SDK1: variants seen among roughly 807,000 people sequenced by gnomAD.
SDK1 encodes the protein protein sidekick-1.
Under a neutral mutation model 245.5 loss-of-function variants are expected in SDK1, and 157 were observed. That is an observed-to-expected ratio of 0.64 (90% CI 0.56 to 0.73). The LOEUF (loss-of-function observed/expected upper bound fraction) is 0.73. Ranked by LOEUF, SDK1 falls within the 30% of genes least tolerant of loss-of-function variation. The pLI, the probability that SDK1 is intolerant of heterozygous loss-of-function variation, is 0.00. For missense variants in SDK1, 3,583 were observed against 3,002.3 expected, an observed-to-expected ratio of 1.19 and a Z score of -4.52; for synonymous variants, 1,647 against 1,278.5, an observed-to-expected ratio of 1.29 and a Z score of -6.15.
intron 2 of SDK1, among the ~76,000 whole-genome samples, chr7:3,628,387 G>A (rs997957016): frequency 9.2e-5 from 14 of 152,020 alleles, no homozygotes; most frequent in African/African-American, 3.4e-4. Context: ...GTGTTCCCAG[G>A]CTGGCATATT....
chr7:3,692,242 GA>G (rs994982334), intron 4 of SDK1, among the ~76,000 whole-genome samples: 2 of 151,648 alleles, frequency 1.3e-5, no homozygotes, highest in African/African-American at 2.4e-5. Context: ...AGACAACTAA[GA>G]AAAAAATAGG....
At chr7:4,265,053 G>A in intron 44 of SDK1, 71 bp from the exon 45 acceptor site, 2 of 1,555,600 alleles carry the variant, frequency 1.3e-6, no homozygotes, top group Non-Finnish European at 1.7e-6. Context: ...CCACCGCCAG[G>A]CCTCCTGCCC....
chr7:3,527,934 T>C (rs1161083576), intron 1 of SDK1, among the ~76,000 whole-genome samples: 1 of 141,738 alleles, frequency 7.1e-6, no homozygotes, highest in African/African-American at 2.7e-5. Flanking sequence ...GGGTGAATGG[T>C]AGGAGGTAAA....
intron 4 of SDK1, among the ~76,000 whole-genome samples, chr7:3,785,255 T>G (rs1780864203): frequency 6.7e-6 from 1 of 150,308 alleles, no homozygotes; most frequent in South Asian, 2.1e-4. Flanking sequence ...GCAAGAGGAA[T>G]TTTTTTTTTA....
intron 1 of SDK1, among the ~76,000 whole-genome samples, chr7:3,582,090 C>G: frequency 8.3e-6 from 1 of 121,008 alleles, no homozygotes; most frequent in African/African-American, 3.0e-5. Context: ...CTCAGGTAGG[C>G]CTGTCTCAGG....
At chr7:4,232,269 A>G (rs1785825340) in intron 40 of SDK1, among the ~76,000 whole-genome samples, 1 of 151,428 alleles carries the variant, frequency 6.6e-6, no homozygotes, top group Non-Finnish European at 1.5e-5. Context: ...AGCTAATTGA[A>G]TTGGTGGGGC....
Position 3,778,042 on chromosome 7 carries a change from G to C in SDK1, c.714-43408G>C, listed in dbSNP as rs534235279. ...CATAAGTAGTTTGAAGTTTTTGTTG[G>C]TTATTGTCTTGCCTTCCTTTCTGAC... On this transcript the variant is annotated intron_variant, in intron 4 of 44. Transcript: ENST00000404826. Among the ~76,000 whole-genome samples, 4 of 152,220 alleles carry C rather than the reference G, an allele frequency of 2.6e-5. No homozygotes were observed. In the East Asian group the frequency reaches 7.7e-4, roughly 29 times the overall value.
At chr7:4,260,645 T>C (rs1461329884) in intron 44 of SDK1, among the ~76,000 whole-genome samples, 1 of 131,802 alleles carries the variant, frequency 7.6e-6, no homozygotes, top group East Asian at 2.4e-4. Context: ...TGCTCCGGGG[T>C]CTCTGGGTGT....
chr7:3,851,693 T>C (rs950191905), intron 5 of SDK1, among the ~76,000 whole-genome samples: 1 of 152,166 alleles, frequency 6.6e-6, no homozygotes, highest in Non-Finnish European at 1.5e-5. Flanking sequence ...CACCTTTCAG[T>C]AATTTTACAC....
intron 2 of SDK1, among the ~76,000 whole-genome samples, chr7:3,631,205 A>T (rs191233008): frequency 7.4e-4 from 113 of 152,306 alleles, no homozygotes; most frequent in African/African-American, 2.7e-3. Flanking sequence ...AAGTGCTGGG[A>T]TTACAGATGT....
intron 1 of SDK1, among the ~76,000 whole-genome samples, chr7:3,400,552 C>T (rs1327246278): frequency 1.3e-5 from 2 of 152,176 alleles, no homozygotes; most frequent in South Asian, 2.1e-4. Flanking sequence ...TAAAAATATA[C>T]ACAGTATTTG....
intron 28 of SDK1, among the ~76,000 whole-genome samples, chr7:4,141,693 T>C (rs1462422653): frequency 1.3e-5 from 2 of 152,216 alleles, no homozygotes; most frequent in Non-Finnish European, 2.9e-5. Flanking sequence ...TAGTCGTCTG[T>C]CGGGGCCAGG....
At chr7:4,077,736 G>C (rs1424206949) in intron 21 of SDK1, among the ~76,000 whole-genome samples, 2 of 152,182 alleles carry the variant, frequency 1.3e-5, no homozygotes, top group Non-Finnish European at 2.9e-5. Context: ...TAGATCTTGT[G>C]AGACTTATTC....
chr7:3,626,893 A>G (rs1262393731), intron 2 of SDK1, among the ~76,000 whole-genome samples: 1 of 152,014 alleles, frequency 6.6e-6, no homozygotes, highest in Non-Finnish European at 1.5e-5. Context: ...TGGCCAGAAT[A>G]GGGGCCAATC....
chr7:3,766,815 T>G (rs1780266455), intron 4 of SDK1, among the ~76,000 whole-genome samples: 1 of 151,524 alleles, frequency 6.6e-6, no homozygotes, highest in African/African-American at 2.4e-5. Flanking sequence ...ATATATGGAC[T>G]ATTAGATGTG....
intron 22 of SDK1, among the ~76,000 whole-genome samples, chr7:4,107,947 G>C (rs538481257): frequency 2.0e-5 from 3 of 152,194 alleles, no homozygotes; most frequent in Non-Finnish European, 4.4e-5. Flanking sequence ...TTCTTTCAGC[G>C]TAACATAGGC....
chr7:3,893,663 G>A (rs1781518127), intron 5 of SDK1, among the ~76,000 whole-genome samples: 1 of 151,498 alleles, frequency 6.6e-6, no homozygotes, highest in African/African-American at 2.4e-5. Flanking sequence ...TAAAGAAACA[G>A]TGAGGGCATT....
chr7:3,536,843 A>G (rs1160817870), intron 1 of SDK1, among the ~76,000 whole-genome samples: 1 of 152,218 alleles, frequency 6.6e-6, no homozygotes. Flanking sequence ...TTTTATTGGG[A>G]AAAATCCATT....
chr7:4,013,867 C>T (rs952251350), intron 16 of SDK1, among the ~76,000 whole-genome samples: 3 of 152,234 alleles, frequency 2.0e-5, no homozygotes, highest in Non-Finnish European at 2.9e-5. Context: ...GGAAGAGGAG[C>T]TTGCAGTTCT....
Sources: gnomAD v4.1 joint callset for allele counts (sites outside exome capture counted in the v4.1 genomes callset) on GRCh38, gnomAD v4.1.1 for gene constraint, MANE v1.5 for transcripts, NCBI Gene and HGNC (gene_info 2026-07-23, HGNC 2026-07-21) for gene names.